The following LPP variants were observed in gnomAD, a reference collection of about 807,000 sequenced individuals.
The protein encoded by LPP is LIM domain containing preferred translocation partner in lipoma, also known as lipoma-preferred partner.
LPP carries 38 observed loss-of-function variants against 60.4 expected under a neutral mutation model. The ratio of observed to expected loss-of-function variants is 0.63; its 90% CI spans 0.49 to 0.83. The LOEUF (loss-of-function observed/expected upper bound fraction) is 0.83. LPP is among the 40% of genes least tolerant of loss of function. LPP has a pLI of 0.00. For missense variants in LPP, 902 were observed against 783.6 expected (o/e 1.15, Z -1.80); for synonymous variants, 328 against 290.8 (o/e 1.13, Z -1.30).
At chr3:188,240,745 G>T (rs1048184614) in intron 2 of LPP, among the ~76,000 whole-genome samples, 1 of 152,102 alleles carries the variant, frequency 6.6e-6, no homozygotes, top group African/African-American at 2.4e-5. Flanking sequence ...GGTTTTGGTG[G>T]GAGGAGCATG....
chr3:188,883,173 C>T lies in LPP; in HGVS notation c.*8694C>T, dbSNP rs1448528690. 8 of 219,616 alleles carry T rather than the reference C, an allele frequency of 3.6e-5. No individual in the cohort carries two copies. In the South Asian group the frequency reaches 7.4e-4, roughly 20 times the overall value. 13.6% of individuals were successfully genotyped at this position (219,616 alleles called of 1,614,324 possible). On this transcript the variant is annotated 3_prime_UTR_variant, in exon 12 of 12. Coordinates refer to ENST00000617246, the MANE Select transcript of LPP (RefSeq NM_001375462.1). ...TGTAGTACATGATACAGTGTTGCTTCCCCCCTCCTTTTCCTTCCATATATA... is the reference window on the plus strand; with the variant it reads ...TGTAGTACATGATACAGTGTTGCTTTCCCCCTCCTTTTCCTTCCATATATA...
At position 188,878,050 on chromosome 3, in the gene LPP, A is replaced by C; in HGVS notation, c.*3571A>C. On this transcript the variant is annotated 3_prime_UTR_variant, in exon 12 of 12. Coordinates refer to ENST00000617246, the MANE Select transcript of LPP (RefSeq NM_001375462.1). ...ACAAGTATTTTATATTTGGGTACAG[A>C]GGAAGAAAGAGAGGGCTTTTTCCAT... is the stretch of plus-strand genomic sequence containing the variant. The C allele has an allele frequency of 4.6e-6, 1 of 219,554 alleles. No individual in the cohort carries two copies. The highest frequency in any genetic ancestry group is 6.7e-5 in the East Asian group (1 of 14,854). The allele number at this position is 219,554 out of a possible 1,614,324, so 13.6% of individuals were successfully genotyped here.
chr3:188,459,323 G>A (rs761163271), intron 4 of LPP, among the ~76,000 whole-genome samples: 3 of 151,946 alleles, frequency 2.0e-5, no homozygotes, highest in South Asian at 2.1e-4. Flanking sequence ...GAATGAACAC[G>A]CCCAGAAAAA....
At chr3:188,239,943 T>C (rs539363516) in intron 2 of LPP, 1 of 201,898 alleles carries the variant, frequency 5.0e-6, no homozygotes, top group East Asian at 7.6e-5. Flanking sequence ...ATTTGCAATT[T>C]ATTTTATCCC....
At chr3:188,756,280 T>C (rs1338739124) in intron 8 of LPP, among the ~76,000 whole-genome samples, 3 of 152,306 alleles carry the variant, frequency 2.0e-5, no homozygotes, top group East Asian at 1.9e-4. Flanking sequence ...TGTTTGGAAA[T>C]CTTAATTCAC....
At chr3:188,867,400 A>G (rs1766940726) in intron 10 of LPP, among the ~76,000 whole-genome samples, 1 of 151,764 alleles carries the variant, frequency 6.6e-6, no homozygotes, top group Admixed American at 6.6e-5. Flanking sequence ...GCTGGAGTGC[A>G]GTAGTGCAAT....
At chr3:188,209,503 C>G (rs1185713506) in intron 1 of LPP, among the ~76,000 whole-genome samples, 1 of 152,220 alleles carries the variant, frequency 6.6e-6, no homozygotes, top group Admixed American at 6.5e-5. Flanking sequence ...CAAATTGACC[C>G]TGCTGCCCTG....
At chr3:188,499,666 G>A (rs1012805801) in intron 5 of LPP, among the ~76,000 whole-genome samples, 11 of 151,976 alleles carry the variant, frequency 7.2e-5, no homozygotes, top group Non-Finnish European at 1.3e-4. Flanking sequence ...GATTTTGATC[G>A]GGACCGCATT....
chr3:188,515,095 G>A (rs1372918198), intron 5 of LPP, among the ~76,000 whole-genome samples: 14 of 152,264 alleles, frequency 9.2e-5, no homozygotes, highest in Admixed American at 6.5e-4. Context: ...CGTTTGATAC[G>A]GCTTGGATGC....
chr3:188,201,740 T>C (rs976870804), intron 1 of LPP, among the ~76,000 whole-genome samples: 2 of 152,068 alleles, frequency 1.3e-5, no homozygotes, highest in African/African-American at 2.4e-5. Context: ...TGGGGTGTCT[T>C]CTGTTGTCCC....
intron 9 of LPP, among the ~76,000 whole-genome samples, chr3:188,785,956 T>C (rs1741716212): frequency 6.6e-6 from 1 of 152,146 alleles, no homozygotes; most frequent in Non-Finnish European, 1.5e-5. Context: ...ATATCATCAG[T>C]ATGCTGACAT....
chr3:188,774,927 C>G (rs2150752283), intron 9 of LPP, among the ~76,000 whole-genome samples: 1 of 152,210 alleles, frequency 6.6e-6, no homozygotes, highest in African/African-American at 2.4e-5. Flanking sequence ...TAAAGGGACT[C>G]AATTTAGTCC....
chr3:188,714,814 A>T (rs1713126945), intron 8 of LPP, among the ~76,000 whole-genome samples: 1 of 152,196 alleles, frequency 6.6e-6, no homozygotes, highest in African/African-American at 2.4e-5. Flanking sequence ...TGGCTATAAC[A>T]GATTTCCTTA....
chr3:188,831,892 A>G (rs1002307824), intron 9 of LPP, among the ~76,000 whole-genome samples: 2 of 152,180 alleles, frequency 1.3e-5, no homozygotes, highest in African/African-American at 4.8e-5. Flanking sequence ...CCTCAGAACA[A>G]TTAACAGAGG....
In LPP at chr3:188,879,197, A is replaced by G. The variant is rs1166588339; in HGVS notation, c.*4718A>G. ...GCATAGCCTTATTTCAAACCTTAAA[A>G]AGTTACCTGACTGAAGCTACTATGA... On this transcript the variant is annotated 3_prime_UTR_variant, in exon 12 of 12. Transcript: ENST00000617246. The G allele has an allele frequency of 4.3e-6, 1 of 230,796 alleles. No homozygotes were observed. The highest frequency in any genetic ancestry group is 8.6e-6 in the Non-Finnish European group (1 of 116,596). The allele number at this position is 230,796 out of a possible 1,614,324, so 14.3% of individuals were successfully genotyped here.
intron 4 of LPP, among the ~76,000 whole-genome samples, chr3:188,437,012 C>T (rs1792492475): frequency 6.6e-6 from 1 of 152,142 alleles, no homozygotes; most frequent in Non-Finnish European, 1.5e-5. Context: ...AAGACTCTGC[C>T]AACCTTTCAG....
intron 4 of LPP, among the ~76,000 whole-genome samples, chr3:188,446,000 G>T (rs1363694985): frequency 6.6e-6 from 1 of 152,134 alleles, no homozygotes; most frequent in East Asian, 1.9e-4. Context: ...AACAGGGAGG[G>T]GAAGTTTTCT....
chr3:188,476,657 T>G (rs1194641441), intron 4 of LPP, among the ~76,000 whole-genome samples: 3 of 152,216 alleles, frequency 2.0e-5, no homozygotes, highest in Non-Finnish European at 4.4e-5. Context: ...AATTAATTTG[T>G]TAGCAACTTG....
chr3:188,781,550 G>C (rs1223855721), intron 9 of LPP, among the ~76,000 whole-genome samples: 1 of 151,944 alleles, frequency 6.6e-6, no homozygotes, highest in Non-Finnish European at 1.5e-5. Flanking sequence ...GCAGGAGAGA[G>C]AATGAGAGAC....
Sources: gnomAD v4.1 joint callset for allele counts (sites outside exome capture counted in the v4.1 genomes callset) on GRCh38, gnomAD v4.1.1 for gene constraint, MANE v1.5 for transcripts, NCBI Gene and HGNC (gene_info 2026-07-23, HGNC 2026-07-21) for gene names.